BCL7A: variants seen among roughly 807,000 people sequenced by gnomAD.
BCL7A encodes BAF chromatin remodeling complex subunit BCL7A.
Under a neutral mutation model 28.4 loss-of-function variants are expected in BCL7A, and 11 were observed. The ratio of observed to expected loss-of-function variants is 0.39; its 90% CI spans 0.24 to 0.64. The LOEUF (loss-of-function observed/expected upper bound fraction) is 0.64. BCL7A is among the 30% of genes least tolerant of loss of function. The pLI is 0.50. For missense variants in BCL7A, 222 were observed against 274.8 expected (o/e 0.81, Z 1.36); for synonymous variants, 123 against 103.3 (o/e 1.19, Z -1.15).
At position 122,059,738 on chromosome 12, in the gene BCL7A, G is replaced by T. The variant is rs931701579; in HGVS notation, c.*575G>T. The T allele has an allele frequency of 8.6e-6, 2 of 232,266 alleles. No individual in the cohort carries two copies. The highest frequency in any genetic ancestry group is 1.7e-5 in the Non-Finnish European group (2 of 117,536). The allele number at this position is 232,266 out of a possible 1,614,324, so 14.4% of individuals were successfully genotyped here. A position where few individuals can be genotyped will look rare whatever the true frequency, so the allele number is the denominator to read the frequency against. ...ACTTCATCGGAGCAGGCAGGGTGGA[G>T]CGAAGGAGCTCCTTAGCCCACCTGG... On this transcript the variant is annotated 3_prime_UTR_variant, in exon 6 of 6. Coordinates refer to ENST00000261822, the MANE Select transcript of BCL7A (RefSeq NM_001024808.3). This position sits in a 1 kb window ranked among gnomAD's most constrained non-coding sequence, Gnocchi z 4.0.
chr12:122,047,351 G>A (rs1055229944), intron 4 of BCL7A, among the ~76,000 whole-genome samples: 6 of 151,214 alleles, frequency 4.0e-5, no homozygotes, highest in African/African-American at 1.5e-4. Flanking sequence ...GTGAAACCCC[G>A]TCTCTACTAA....
In BCL7A at chr12:122,044,868, C is replaced by T. The variant is rs1210391831; in HGVS notation, c.439+815C>T. Among the ~76,000 whole-genome samples, 3 of 152,108 alleles carry T rather than the reference C, an allele frequency of 2.0e-5. No homozygotes were observed. In the East Asian group the frequency reaches 5.8e-4, roughly 29 times the overall value. On this transcript the variant is annotated intron_variant, in intron 4 of 5. Transcript: ENST00000261822. The stretch of plus-strand genomic sequence containing the variant: ...ATAAATTTTAAATGTATTTAAAAAT[C>T]AGACAACCTAGTATTAGGAAGATAA...
At chr12:122,030,833 C>A in intron 2 of BCL7A, 52 bp downstream of exon 2, 1 of 1,554,530 alleles carries the variant, frequency 6.4e-7, no homozygotes, top group Non-Finnish European at 8.9e-7. Flanking sequence ...CGTGCTCCTC[C>A]CACCATGGGG....
At position 122,060,726 on chromosome 12, in the gene BCL7A, C is replaced by G. The variant is rs1227699315; in HGVS notation, c.*1563C>G. The G allele has an allele frequency of 4.3e-6, 1 of 232,320 alleles. No homozygotes were observed. Among genetic ancestry groups the G allele is most frequent in the African/African-American group, 2.2e-5 (1 of 45,110 alleles). The allele number at this position is 232,320 out of a possible 1,614,324, so 14.4% of individuals were successfully genotyped here. On this transcript the variant is annotated 3_prime_UTR_variant, in exon 6 of 6. Transcript: ENST00000261822. ...CCACCTTTGACGTGTGGCTCTTTCTCCTGACCATCATGGGAAGTGTCTGCT... is the reference window on the plus strand; with the variant it reads ...CCACCTTTGACGTGTGGCTCTTTCTGCTGACCATCATGGGAAGTGTCTGCT...
At chr12:122,028,919 TGAG>T (rs1883684412) in intron 1 of BCL7A, among the ~76,000 whole-genome samples, 1 of 152,008 alleles carries the variant, frequency 6.6e-6, no homozygotes, top group Non-Finnish European at 1.5e-5. Context: ...TGCTCAGAAT[TGAG>T]GAGGGGAAAG....
Position 122,059,465 on chromosome 12 carries a change from A to C in BCL7A, c.*302A>C. The C allele has an allele frequency of 3.0e-6, 1 of 338,856 alleles. No individual in the cohort carries two copies. The highest frequency in any genetic ancestry group is 5.5e-6 in the Non-Finnish European group (1 of 181,648). 21.0% of individuals were successfully genotyped at this position (338,856 alleles called of 1,614,324 possible). A position where few individuals can be genotyped will look rare whatever the true frequency, so the allele number is the denominator to read the frequency against. ...AGGATTCCATTTGTGTTGCTGCTGT[A>C]TTTTCCCCCCACTTCTCTATGTAAC... On this transcript the variant is annotated 3_prime_UTR_variant, in exon 6 of 6. Transcript: ENST00000261822. This position sits in a 1 kb window ranked among gnomAD's most constrained non-coding sequence, Gnocchi z 4.0.
chr12:122,055,871 C>G (rs1951875303), intron 5 of BCL7A, among the ~76,000 whole-genome samples: 1 of 152,234 alleles, frequency 6.6e-6, no homozygotes, highest in Admixed American at 6.5e-5. Flanking sequence ...ACTCCCTCAG[C>G]CTCTCAAAGT....
intron 1 of BCL7A, among the ~76,000 whole-genome samples, chr12:122,030,466 C>G (rs528741206): frequency 2.0e-5 from 3 of 152,344 alleles, no homozygotes; most frequent in African/African-American, 4.8e-5. Context: ...CCACCCTCAG[C>G]CTTTTTGGCG....
At chr12:122,058,232 C>T (rs543579102) in intron 5 of BCL7A, among the ~76,000 whole-genome samples, 23 of 152,144 alleles carry the variant, frequency 1.5e-4, no homozygotes, top group African/African-American at 3.9e-4. Flanking sequence ...AAAGCTGGTG[C>T]GGTGGCTCAC....
rs576105361 is a variant in BCL7A, at chr12:122,059,870, A to C, written c.*707A>C. ...CCCCAAGGGCTCGGCCCCTTGGATC[A>C]GGCTGGGCACTCGCTGTGCTCTCCC... On this transcript the variant is annotated 3_prime_UTR_variant, in exon 6 of 6. Transcript: ENST00000261822. This position sits in a 1 kb window ranked among gnomAD's most constrained non-coding sequence, Gnocchi z 4.0. 7.3e-5 allele frequency: 17 copies of C among 232,036 alleles called. No individual in the cohort carries two copies. The highest frequency in any genetic ancestry group is 2.9e-4 in the African/African-American group (13 of 45,362). 14.4% of individuals were successfully genotyped at this position (232,036 alleles called of 1,614,324 possible). A position where few individuals can be genotyped will look rare whatever the true frequency, so the allele number is the denominator to read the frequency against.
intron 5 of BCL7A, among the ~76,000 whole-genome samples, chr12:122,055,520 G>A (rs765286103): frequency 8.5e-5 from 13 of 152,202 alleles, no homozygotes; most frequent in Non-Finnish European, 1.6e-4. Context: ...GTGAGGATTC[G>A]ATGGGAGAAC....
intron 1 of BCL7A, among the ~76,000 whole-genome samples, chr12:122,023,689 C>G (rs1167604817): frequency 6.6e-6 from 1 of 152,240 alleles, no homozygotes; most frequent in East Asian, 1.9e-4. Flanking sequence ...TCGGGAGCTC[C>G]CCTGGTACAC....
At chr12:122,026,009 C>T (rs1000705742) in intron 1 of BCL7A, among the ~76,000 whole-genome samples, 5 of 150,406 alleles carry the variant, frequency 3.3e-5, no homozygotes, top group Non-Finnish European at 7.4e-5. Flanking sequence ...TTGGCTCACA[C>T]CTGTAATCCC....
At chr12:122,057,487 G>A (rs558922635) in intron 5 of BCL7A, among the ~76,000 whole-genome samples, 2 of 152,284 alleles carry the variant, frequency 1.3e-5, no homozygotes, top group East Asian at 3.9e-4. Flanking sequence ...CATCCTGTTG[G>A]CCACAAGCAG....
At chr12:122,022,911 G>A (rs1489249516) in intron 1 of BCL7A, among the ~76,000 whole-genome samples, 7 of 152,172 alleles carry the variant, frequency 4.6e-5, no homozygotes, top group South Asian at 2.1e-4. Context: ...CGGGCGGGGG[G>A]CTCGGGCCAG....
In BCL7A at chr12:122,050,994, C is replaced by T. The variant is rs566490972; in HGVS notation, c.440-3811C>T. Reference sequence around the variant, plus strand: ...CGGACATGGGCTTCGTGTGCAGCCGCGTTCCTGCTTCTTTCCCATCCTGGT... The same window carrying T: ...CGGACATGGGCTTCGTGTGCAGCCGTGTTCCTGCTTCTTTCCCATCCTGGT... On this transcript the variant is annotated intron_variant, in intron 4 of 5. Transcript: ENST00000261822. 5.3e-5 allele frequency among the ~76,000 whole-genome samples: 8 copies of T among 152,306 alleles called. No homozygotes were observed. In the South Asian group the frequency reaches 6.2e-4, roughly 12 times the overall value.
At chr12:122,033,954 C>T (rs1202596082) in intron 2 of BCL7A, among the ~76,000 whole-genome samples, 1 of 152,000 alleles carries the variant, frequency 6.6e-6, no homozygotes, top group Non-Finnish European at 1.5e-5. Context: ...TCCGATGTTA[C>T]TCTTTTACTG....
In BCL7A at chr12:122,055,108, G is replaced by C. The variant is rs536798644; in HGVS notation, c.561+182G>C. The C allele has an allele frequency of 2.8e-5, 35 of 1,257,380 alleles. No homozygotes were observed. In the South Asian group the frequency reaches 3.9e-4, roughly 14 times the overall value. 77.9% of individuals were successfully genotyped at this position (1,257,380 alleles called of 1,614,324 possible). On this transcript the variant is annotated intron_variant, in intron 5 of 5. Transcript: ENST00000261822. ...AGTCCTGGGCTCTGCCTTGGGCTCT[G>C]GGGCCGAGGGATAATGAGACTTGTG...
At chr12:122,054,084 T>C (rs1015161563) in intron 4 of BCL7A, among the ~76,000 whole-genome samples, 2 of 152,164 alleles carry the variant, frequency 1.3e-5, no homozygotes, top group Admixed American at 6.6e-5. Context: ...AAAAATACCC[T>C]TATTATTGTT....
Sources: allele counts gnomAD v4.1 joint callset (sites outside exome capture counted in the v4.1 genomes callset), GRCh38; gene constraint gnomAD v4.1.1; non-coding constraint Gnocchi (gnomAD v3.1); transcripts MANE v1.5; gene names NCBI Gene and HGNC (gene_info 2026-07-23, HGNC 2026-07-21).